Variants in NWD1 observed in about 807,000 individuals in gnomAD.
The protein encoded by NWD1 is NACHT domain- and WD repeat-containing protein 1.
Under a neutral mutation model 135.1 loss-of-function variants are expected in NWD1, and 129 were observed. That is an observed-to-expected ratio of 0.96 (90% CI 0.83 to 1.11). The LOEUF is 1.11. NWD1 is among the 50% of genes least tolerant of loss of function. NWD1 has a pLI of 0.00. For synonymous variants in NWD1, 773 were observed against 786.0 expected, an observed-to-expected ratio of 0.98 and a Z score of 0.28; for missense variants, 1,740 against 1,851.3, an observed-to-expected ratio of 0.94 and a Z score of 1.10.
chr19:16,764,196 C>G (rs1025646138), intron 9 of NWD1, among the ~76,000 whole-genome samples: 1 of 152,092 alleles, frequency 6.6e-6, no homozygotes, highest in Non-Finnish European at 1.5e-5. Flanking sequence ...TGCTTAATAC[C>G]CTACAGTGCA....
intron 17 of NWD1, among the ~76,000 whole-genome samples, chr19:16,800,681 G>A (rs1420877942): frequency 6.6e-6 from 1 of 152,048 alleles, no homozygotes; most frequent in African/African-American, 2.4e-5. Context: ...TTCACAGATG[G>A]CCATCTTCTT....
rs562796972 is a variant in NWD1 at position 16,750,411 on chromosome 19, G to A, written c.1769G>A (p.Arg590Gln). 11 of 1,542,402 alleles carry A rather than the reference G, an allele frequency of 7.1e-6. No individual in the cohort carries two copies. The highest frequency in any genetic ancestry group is 1.9e-4 in the Middle Eastern group (1 of 5,240). ...AHVLGYIVSS[R>Q]HGLSEAELKD... ...GTGCTGGGCTACATTGTGTCTTCCC[G>A]GTAAGTCTCTGTGTTTTGAAACTCT... Residue 590 changes from arginine to glutamine, a missense_variant and splice_region_variant, in exon 6 of 19, where the codon CGA becomes CAA. Transcript: ENST00000524140.
chr19:16,744,362 G>A (rs1968210259), intron 4 of NWD1, 59 bp from the exon 5 acceptor site: 5 of 1,470,298 alleles, frequency 3.4e-6, no homozygotes, highest in Non-Finnish European at 4.6e-6. Flanking sequence ...GGGCGACAGA[G>A]CAAGACCTTG....
chr19:16,729,106 CCT>C (rs1967451961), intron 2 of NWD1, among the ~76,000 whole-genome samples: 1 of 152,004 alleles, frequency 6.6e-6, no homozygotes, highest in African/African-American at 2.4e-5. Flanking sequence ...CCTCCTGGAC[CCT>C]CTGTTTCCTC....
intron 3 of NWD1, among the ~76,000 whole-genome samples, chr19:16,735,544 T>C (rs1967759307): frequency 6.7e-6 from 1 of 149,318 alleles, no homozygotes; most frequent in Admixed American, 6.7e-5. Flanking sequence ...AAGAAAGAAA[T>C]CAGTCTGGGG....
chr19:16,738,748 TTA>T (rs569001780), intron 4 of NWD1, among the ~76,000 whole-genome samples: 2,619 of 140,244 alleles, frequency 0.019, 96 homozygotes, highest in African/African-American at 0.067. Context: ...AATATATATA[TTA>T]TATATATATA....
At chr19:16,759,015 A>G (rs1198985193) in intron 6 of NWD1, among the ~76,000 whole-genome samples, 1 of 150,784 alleles carries the variant, frequency 6.6e-6, no homozygotes, top group African/African-American at 2.5e-5. Context: ...AAAAAAAAAA[A>G]AAAAAAAAAA....
intron 10 of NWD1, among the ~76,000 whole-genome samples, chr19:16,768,011 C>T (rs1484248281): frequency 3.2e-4 from 32 of 100,348 alleles, no homozygotes; most frequent in African/African-American, 1.2e-3. Flanking sequence ...TTTTTTTGCA[C>T]GACAGAGTCT....
chr19:16,756,636 G>A (rs1219897804), intron 6 of NWD1, among the ~76,000 whole-genome samples: 1 of 151,784 alleles, frequency 6.6e-6, no homozygotes, highest in Non-Finnish European at 1.5e-5. Context: ...CTATACATCT[G>A]CCTGTCTATC....
intron 11 of NWD1, 95 bp downstream of exon 11, chr19:16,773,418 C>A: frequency 9.2e-7 from 1 of 1,082,034 alleles, no homozygotes; most frequent in Non-Finnish European, 1.3e-6. Flanking sequence ...TGGGACTCCC[C>A]TGTGCTAGTT....
intron 6 of NWD1, 141 bp from the exon 7 acceptor site, chr19:16,759,083 GT>G: frequency 3.0e-6 from 2 of 675,438 alleles, no homozygotes; most frequent in South Asian, 3.2e-5. Flanking sequence ...TTGGTACCTT[GT>G]GGGCGCTGTC....
intron 10 of NWD1, among the ~76,000 whole-genome samples, chr19:16,766,288 G>A (rs1375401216): frequency 1.3e-5 from 2 of 152,158 alleles, no homozygotes; most frequent in Non-Finnish European, 2.9e-5. Context: ...TGTAGTCCCA[G>A]CTACTTGGGA....
intron 12 of NWD1, among the ~76,000 whole-genome samples, chr19:16,786,151 C>T (rs962461773): frequency 2.0e-5 from 3 of 151,882 alleles, no homozygotes; most frequent in Admixed American, 1.3e-4. Context: ...AGGCGTGAGC[C>T]ACTGTGCCAG....
chr19:16,789,714 C>G (rs1001167163), intron 13 of NWD1, among the ~76,000 whole-genome samples: 1 of 133,734 alleles, frequency 7.5e-6, no homozygotes, highest in African/African-American at 2.9e-5. Flanking sequence ...TCTCCTCTCT[C>G]TCTTTTTTTT....
At chr19:16,745,408 G>T (rs1301661161) in intron 5 of NWD1, among the ~76,000 whole-genome samples, 1 of 151,828 alleles carries the variant, frequency 6.6e-6, no homozygotes, top group Non-Finnish European at 1.5e-5. Flanking sequence ...GGACGGAGGG[G>T]TTCCTAGGAT....
intron 10 of NWD1, among the ~76,000 whole-genome samples, chr19:16,767,027 A>T (rs1211536059): frequency 1.3e-5 from 2 of 152,160 alleles, no homozygotes; most frequent in Admixed American, 1.3e-4. Context: ...TCCCTGTACT[A>T]GTCTGTTTTC....
At chr19:16,782,138 T>G (rs1392242077) in intron 12 of NWD1, among the ~76,000 whole-genome samples, 2 of 150,872 alleles carry the variant, frequency 1.3e-5, no homozygotes, top group Non-Finnish European at 3.0e-5. Context: ...TCTAACCCTT[T>G]TATGTAATTA....
intron 4 of NWD1, among the ~76,000 whole-genome samples, chr19:16,741,037 A>G (rs140855164): frequency 0.049 from 7,451 of 152,176 alleles, 208 homozygotes; most frequent in Middle Eastern, 0.092. Context: ...GTGGGTGCCT[A>G]TAATCCCAGC....
At chr19:16,724,981 A>T (rs932427105) in intron 2 of NWD1, among the ~76,000 whole-genome samples, 1 of 151,536 alleles carries the variant, frequency 6.6e-6, no homozygotes, top group African/African-American at 2.4e-5. Context: ...GGCGTGAGCC[A>T]CTATGCCTAG....
Sources: gnomAD v4.1 joint callset for allele counts (sites outside exome capture counted in the v4.1 genomes callset) on GRCh38, gnomAD v4.1.1 for gene constraint, MANE v1.5 for transcripts, NCBI Gene and HGNC (gene_info 2026-07-23, HGNC 2026-07-21) for gene names.